Variants in DNM2 observed in about 807,000 individuals in gnomAD.
The protein encoded by DNM2 is dynamin 2.
A neutral mutation model predicts 99.0 loss-of-function variants in DNM2; 15 were observed. The observed-to-expected ratio is 0.15, with a 90% CI of 0.10 to 0.23. DNM2 has a LOEUF of 0.23. Ranked by LOEUF, DNM2 falls within the 10% of genes least tolerant of loss-of-function variation. The probability of loss-of-function intolerance (pLI) is 1.00; values close to 1 mark genes in which losing one functional copy is unlikely to be tolerated. For synonymous variants in DNM2, 525 were observed against 481.2 expected (o/e 1.09, Z -1.19); for missense variants, 742 against 1,189.4 (o/e 0.62, Z 5.53).
intron 1 of DNM2, among the ~76,000 whole-genome samples, chr19:10,732,864 A>C (rs1270460041): frequency 6.6e-6 from 1 of 151,760 alleles, no homozygotes; most frequent in Non-Finnish European, 1.5e-5. Context: ...TGCCTCCAAG[A>C]ATGTTTGGCT....
In DNM2 at chr19:10,718,327, C is replaced by G; in HGVS notation, c.85C>G (p.Leu29Val). Residue 29 changes from leucine to valine, a missense_variant, in exon 1 of 21, where the codon CTG becomes GTG. Physicochemically the swap from Leu to Val is conservative, Grantham distance 32 (BLOSUM62 1). Around this residue, in one of 7 missense-constraint regions of DNM2, gnomAD observed 52 missense variants for 46.1 expected, o/e 1.13. Coordinates refer to ENST00000389253, the MANE Select transcript of DNM2 (RefSeq NM_001005361.3). ...AFSSIGQSCH[L>V]DLPQIAVVGG... ...CAGCTCCATCGGCCAGAGCTGCCAC[C>G]TGGACCTGCCGCAGATCGCTGTAGT... 1 of 1,515,994 alleles carries G rather than the reference C, an allele frequency of 6.6e-7. No individual in the cohort carries two copies. Among genetic ancestry groups the G allele is most frequent in the Non-Finnish European group, 8.8e-7 (1 of 1,134,056 alleles). 93.9% of individuals were successfully genotyped at this position (1,515,994 alleles called of 1,614,324 possible). A position where few individuals can be genotyped will look rare whatever the true frequency, so the allele number is the denominator to read the frequency against.
chr19:10,831,530 GC>G lies in DNM2; in HGVS notation c.*486del. The G allele has an allele frequency of 4.1e-6, 4 of 986,864 alleles. No individual in the cohort carries two copies. Among genetic ancestry groups the G allele is most frequent in the Non-Finnish European group, 4.8e-6 (4 of 830,644 alleles). 61.1% of individuals were successfully genotyped at this position (986,864 alleles called of 1,614,324 possible). A position where few individuals can be genotyped will look rare whatever the true frequency, so the allele number is the denominator to read the frequency against. On this transcript the variant is annotated 3_prime_UTR_variant, in exon 21 of 21. Coordinates refer to ENST00000389253, the MANE Select transcript of DNM2 (RefSeq NM_001005361.3). This position sits in a 1 kb window ranked among gnomAD's most constrained non-coding sequence, Gnocchi z 4.3. Reference sequence around the variant, plus strand: ...AGCCTGGCCCAGTGGGCTCGGTAGTGCCCAGCTGGCAGGCCTGAGGTGTACA... The same window carrying G: ...AGCCTGGCCCAGTGGGCTCGGTAGTGCCAGCTGGCAGGCCTGAGGTGTACA...
At chr19:10,730,035 A>G (rs1040207327) in intron 1 of DNM2, among the ~76,000 whole-genome samples, 1 of 152,072 alleles carries the variant, frequency 6.6e-6, no homozygotes, top group Non-Finnish European at 1.5e-5. Context: ...ACTAATGTTT[A>G]TAATCTTTTG....
At chr19:10,785,119 G>A (rs369848322) in intron 6 of DNM2, among the ~76,000 whole-genome samples, 1 of 148,304 alleles carries the variant, frequency 6.7e-6, no homozygotes, top group Non-Finnish European at 1.5e-5. Context: ...TACCCATCCC[G>A]GCCTTCCCCT....
intron 15 of DNM2, among the ~76,000 whole-genome samples, chr19:10,814,294 G>A (rs371919397): frequency 1.3e-5 from 2 of 152,010 alleles, no homozygotes; most frequent in African/African-American, 2.4e-5. Context: ...GAGAAACCCC[G>A]TCTCTACTAA....
intron 2 of DNM2, among the ~76,000 whole-genome samples, chr19:10,771,886 T>C (rs946529970): frequency 6.6e-6 from 1 of 152,068 alleles, no homozygotes; most frequent in Admixed American, 6.6e-5. Flanking sequence ...TCATGACGTA[T>C]ATTAACAGTT....
At chr19:10,815,817 C>T (rs557118841) in intron 15 of DNM2, among the ~76,000 whole-genome samples, 6 of 152,154 alleles carry the variant, frequency 3.9e-5, no homozygotes, top group Non-Finnish European at 8.8e-5. Flanking sequence ...CCACTGGGGA[C>T]TTGCTGGCAC....
intron 15 of DNM2, among the ~76,000 whole-genome samples, chr19:10,815,826 A>C (rs1317257713): frequency 6.6e-6 from 1 of 152,040 alleles, no homozygotes; most frequent in Non-Finnish European, 1.5e-5. Flanking sequence ...ACTTGCTGGC[A>C]CCCAACCCAG....
In DNM2 at chr19:10,797,422, G is replaced by A. The variant is rs144352803; in HGVS notation, c.1239G>A (p.Val413=). ...CCGACATGGCCTTTGAAGCCATTGTGAAAAAACAGATTGTAAAACTCAAAG... is the reference window on the plus strand; with the variant it reads ...CCGACATGGCCTTTGAAGCCATTGTAAAAAAACAGATTGTAAAACTCAAAG... ...FTPDMAFEAI[V]KKQIVKLKEP... The change falls in exon 10 of 21, where the codon GTG becomes GTA. Residue 413 remains valine, a synonymous_variant. Transcript: ENST00000389253. The A allele has an allele frequency of 1.2e-6, 2 of 1,613,674 alleles. No homozygotes were observed. The highest frequency in any genetic ancestry group is 1.7e-6 in the Non-Finnish European group (2 of 1,180,014).
At chr19:10,822,467 A>G (rs1418261854) in intron 16 of DNM2, among the ~76,000 whole-genome samples, 3 of 152,072 alleles carry the variant, frequency 2.0e-5, no homozygotes, top group Non-Finnish European at 4.4e-5. Flanking sequence ...CAGGAATTAC[A>G]GGTATGAGCC....
Position 10,830,357 on chromosome 19 carries a change from G to A in DNM2, c.2522G>A (p.Gly841Glu), listed in dbSNP as rs767985133. The A allele has an allele frequency of 6.2e-7, 1 of 1,611,834 alleles. No homozygotes were observed. Among genetic ancestry groups the A allele is most frequent in the South Asian group, 1.1e-5 (1 of 91,076 alleles). The change falls in exon 20 of 21, where the codon GGG becomes GAG. Residue 841 changes from glycine (G) to glutamate (E), a missense_variant. This residue lies in a region of DNM2 where 187 missense variants were observed against 218.8 expected (regional missense o/e 0.85). Coordinates refer to ENST00000389253, the MANE Select transcript of DNM2 (RefSeq NM_001005361.3). This position sits in a 1 kb window ranked among gnomAD's most constrained non-coding sequence, Gnocchi z 4.8. ...TCTCGGCCAGTTCGGATCCCCCCAG[G>A]GATTCCCCCAGGAGTGCCCAGGTAA... ...IPSRPVRIPP[G>E]IPPGVPSRRP...
Position 10,830,263 on chromosome 19 carries a change from C to G in DNM2, c.2428C>G (p.Pro810Ala). Residue 810 changes from proline to alanine, a missense_variant, in exon 20 of 21, where the codon CCA (proline) becomes GCA (alanine). Pro to Ala is a conservative substitution (Grantham distance 27). This residue lies in a region of DNM2 where 187 missense variants were observed against 218.8 expected (regional missense o/e 0.85). Coordinates refer to ENST00000389253, the MANE Select transcript of DNM2 (RefSeq NM_001005361.3). The surrounding 1 kb of genome is among the most constrained non-coding windows in gnomAD (Gnocchi z 4.8). The stretch of plus-strand genomic sequence containing the variant: ...AGCCTCCTTCTCGGCGCCCCCAATC[C>G]CATCCCGGCCTGGACCCCAGAGCGT... ...AAASFSAPPI[P>A]SRPGPQSVFA... The G allele has an allele frequency of 3.1e-6, 5 of 1,613,972 alleles. No individual in the cohort carries two copies. The highest frequency in any genetic ancestry group is 3.4e-6 in the Non-Finnish European group (4 of 1,179,928).
intron 19 of DNM2, among the ~76,000 whole-genome samples, chr19:10,829,551 G>A (rs1056536029): frequency 1.3e-5 from 2 of 152,220 alleles, no homozygotes; most frequent in African/African-American, 4.8e-5. Context: ...GCTGGGGTAA[G>A]AGGCTGGAGG....
At chr19:10,793,906 G>C (rs758636844) in intron 8 of DNM2, 51 bp downstream of exon 8, 2 of 1,613,576 alleles carry the variant, frequency 1.2e-6, no homozygotes. Flanking sequence ...GCACCCTCCT[G>C]CTGGCCTCAA....
chr19:10,725,533 G>A (rs2069086413), intron 1 of DNM2, among the ~76,000 whole-genome samples: 1 of 151,970 alleles, frequency 6.6e-6, no homozygotes, highest in East Asian at 1.9e-4. Context: ...AATTGGTACA[G>A]TCCAGAGGGA....
chr19:10,821,902 C>A (rs969002531), intron 16 of DNM2, among the ~76,000 whole-genome samples: 1 of 152,178 alleles, frequency 6.6e-6, no homozygotes, highest in Non-Finnish European at 1.5e-5. Flanking sequence ...ATGTCCCAGG[C>A]AGCAGCAGGA....
At chr19:10,743,741 C>CAA (rs2069847752) in intron 1 of DNM2, among the ~76,000 whole-genome samples, 1 of 133,412 alleles carries the variant, frequency 7.5e-6, no homozygotes, top group South Asian at 2.5e-4. Flanking sequence ...ACCCGGGAGG[C>CAA]GGAGCTTGCA....
intron 17 of DNM2, 175 bp from the exon 18 acceptor site, chr19:10,824,882 C>T (rs1266139023): frequency 1.1e-6 from 1 of 932,224 alleles, no homozygotes; most frequent in African/African-American, 1.6e-5. Context: ...CCAGGGTCAC[C>T]CCATTGTTTG....
At chr19:10,802,854 A>T (rs888197194) in intron 12 of DNM2, among the ~76,000 whole-genome samples, 1 of 152,228 alleles carries the variant, frequency 6.6e-6, no homozygotes, top group East Asian at 1.9e-4. Context: ...GAGGGCCCAC[A>T]TCGGGGAGCC....
Sources: allele counts gnomAD v4.1 joint callset (sites outside exome capture counted in the v4.1 genomes callset), GRCh38; gene constraint gnomAD v4.1.1; regional missense constraint gnomAD v4.1.1; non-coding constraint Gnocchi (gnomAD v3.1); transcripts MANE v1.5; gene names NCBI Gene and HGNC (gene_info 2026-07-23, HGNC 2026-07-21).